The following ADGRB3 variants were observed in gnomAD, a reference collection of about 807,000 sequenced individuals.
ADGRB3 encodes the protein adhesion G protein-coupled receptor B3.
ADGRB3 carries 37 observed loss-of-function variants against 193.4 expected under a neutral mutation model. The ratio of observed to expected loss-of-function variants is 0.19; its 90% CI spans 0.15 to 0.25. ADGRB3 has a LOEUF of 0.25. Among genes scored for constraint, ADGRB3 ranks in the 10% least tolerant of loss-of-function variants. The probability of loss-of-function intolerance (pLI) is 1.00; values close to 1 mark genes in which losing one functional copy is unlikely to be tolerated. For missense variants in ADGRB3, 1,637 were observed against 1,852.9 expected (o/e 0.88, Z 2.14); for synonymous variants, 690 against 644.2 (o/e 1.07, Z -1.08).
intron 11 of ADGRB3, among the ~76,000 whole-genome samples, chr6:69,002,342 T>C (rs1769605584): frequency 6.6e-6 from 1 of 151,802 alleles, no homozygotes. Context: ...CCTCAGCCTT[T>C]TGAATAGCTG....
chr6:69,175,306 G>T (rs1274803406), intron 17 of ADGRB3, among the ~76,000 whole-genome samples: 1 of 152,116 alleles, frequency 6.6e-6, no homozygotes, highest in African/African-American at 2.4e-5. Context: ...ATCTTGAGTC[G>T]ATTTTTGTAT....
intron 17 of ADGRB3, among the ~76,000 whole-genome samples, chr6:69,110,194 C>A (rs1773331729): frequency 1.3e-5 from 2 of 152,044 alleles, no homozygotes; most frequent in Non-Finnish European, 2.9e-5. Flanking sequence ...AATCCACCCA[C>A]CTCAGTGTCC....
intron 17 of ADGRB3, among the ~76,000 whole-genome samples, chr6:69,156,914 C>T (rs564968320): frequency 9.9e-5 from 15 of 152,254 alleles, no homozygotes; most frequent in Admixed American, 4.6e-4. Context: ...CAAGCTGATT[C>T]GTAGCAATAT....
chr6:69,203,833 C>T (rs143636301), intron 17 of ADGRB3, among the ~76,000 whole-genome samples: 21 of 152,254 alleles, frequency 1.4e-4, no homozygotes, highest in Non-Finnish European at 2.1e-4. Flanking sequence ...ACTAAAATTT[C>T]GTCTATGAGT....
intron 3 of ADGRB3, among the ~76,000 whole-genome samples, chr6:68,917,444 T>C (rs1236745208): frequency 6.6e-6 from 1 of 152,200 alleles, no homozygotes; most frequent in Non-Finnish European, 1.5e-5. Context: ...TAATCTTTCT[T>C]CTACATGATA....
chr6:69,105,951 A>C (rs1316335172), intron 17 of ADGRB3, among the ~76,000 whole-genome samples: 2 of 152,144 alleles, frequency 1.3e-5, no homozygotes, highest in Admixed American at 6.6e-5. Flanking sequence ...CCTCGCCAAC[A>C]TGGTGAAAGC....
intron 26 of ADGRB3, among the ~76,000 whole-genome samples, chr6:69,349,723 T>G (rs78035274): frequency 0.011 from 1,635 of 152,066 alleles, 22 homozygotes; most frequent in African/African-American, 0.037. Context: ...GAAGGAAAAA[T>G]TACAAATAAT....
At chr6:68,963,055 C>T (rs532098253) in intron 8 of ADGRB3, among the ~76,000 whole-genome samples, 1 of 152,234 alleles carries the variant, frequency 6.6e-6, no homozygotes, top group East Asian at 1.9e-4. Flanking sequence ...TGGAGTGATT[C>T]CTCATTCTAG....
chr6:69,179,782 T>C lies in ADGRB3; in HGVS notation c.2481-53508T>C, dbSNP rs562952058. 2.4e-4 allele frequency among the ~76,000 whole-genome samples: 36 copies of C among 152,298 alleles called. No homozygotes were observed. In the South Asian group the frequency reaches 7.5e-3, roughly 32 times the overall value. ...TATGTACTTCTGTCAGCAGGTTTTA[T>C]ATTGGACTGTGCAGTTTGACTTACA... On this transcript the variant is annotated intron_variant, in intron 17 of 31. Coordinates refer to ENST00000370598, the MANE Select transcript of ADGRB3 (RefSeq NM_001704.3).
At chr6:69,271,787 A>G (rs946582707) in intron 20 of ADGRB3, among the ~76,000 whole-genome samples, 2 of 152,092 alleles carry the variant, frequency 1.3e-5, no homozygotes, top group African/African-American at 2.4e-5. Flanking sequence ...ATGAAATGTT[A>G]TAGTTAATAT....
chr6:69,121,192 G>T (rs1340083856), intron 17 of ADGRB3, among the ~76,000 whole-genome samples: 1 of 151,980 alleles, frequency 6.6e-6, no homozygotes, highest in African/African-American at 2.4e-5. Flanking sequence ...CTTGAGATTA[G>T]GGAGTGGTGA....
intron 11 of ADGRB3, among the ~76,000 whole-genome samples, chr6:68,998,648 C>T (rs1769465419): frequency 1.3e-5 from 2 of 152,216 alleles, no homozygotes; most frequent in South Asian, 2.1e-4. Context: ...CATATCAAAG[C>T]CTATATATGA....
chr6:69,376,766 C>T (rs1404806381), intron 30 of ADGRB3, among the ~76,000 whole-genome samples: 1 of 152,174 alleles, frequency 6.6e-6, no homozygotes, highest in South Asian at 2.1e-4. Flanking sequence ...GCAGTAAGTG[C>T]ACTCCATTAG....
intron 17 of ADGRB3, among the ~76,000 whole-genome samples, chr6:69,104,700 A>G (rs1485966296): frequency 2.0e-5 from 3 of 152,120 alleles, no homozygotes; most frequent in Admixed American, 6.5e-5. Context: ...TGAAAACACA[A>G]TATGTGTTTC....
At chr6:68,936,715 T>C (rs538304212) in intron 5 of ADGRB3, 35 bp downstream of exon 5, 3 of 1,590,614 alleles carry the variant, frequency 1.9e-6, no homozygotes, top group South Asian at 2.3e-5. Flanking sequence ...GTGGATGTTA[T>C]TGAATTGTGT....
chr6:69,093,360 G>T (rs995914074), intron 17 of ADGRB3, among the ~76,000 whole-genome samples: 6 of 151,828 alleles, frequency 4.0e-5, no homozygotes, highest in Non-Finnish European at 8.8e-5. Flanking sequence ...GGTTCCAGAG[G>T]GGAGGTAGTG....
Position 68,974,811 on chromosome 6 carries a change from A to G in ADGRB3, c.1574A>G (p.Lys525Arg), listed in dbSNP as rs1361619191. Residue 525 changes from lysine to arginine, a missense_variant, in exon 9 of 32, where the codon AAA (lysine) becomes AGA (arginine). Coordinates refer to ENST00000370598, the MANE Select transcript of ADGRB3 (RefSeq NM_001704.3). ...GATTATCTGATGTCGATGGTGTGGAAAAGAACTCCAGCAGGCGACTTGGCA... is the reference window on the plus strand; with the variant it reads ...GATTATCTGATGTCGATGGTGTGGAGAAGAACTCCAGCAGGCGACTTGGCA... Reference protein sequence around the residue: ...PEDYLMSMVWKRTPAGDLAFN... With the variant: ...PEDYLMSMVWRRTPAGDLAFN... The G allele has an allele frequency of 1.2e-6, 2 of 1,614,024 alleles. No individual in the cohort carries two copies. Among genetic ancestry groups the G allele is most frequent in the Admixed American group, 1.7e-5 (1 of 60,006 alleles).
rs188142438 is a variant in ADGRB3 at position 68,909,471 on chromosome 6, A to G, written c.758-21088A>G. On this transcript the variant is annotated intron_variant, in intron 3 of 31. Transcript: ENST00000370598. The stretch of plus-strand genomic sequence containing the variant: ...TCATCTCTACATTGGTGAAGAAATA[A>G]AAAGGTTTATTCCACAGAAATGTAA... 4.3e-3 allele frequency among the ~76,000 whole-genome samples: 652 copies of G among 152,296 alleles called. 10 individuals are homozygous for G. Among genetic ancestry groups the G allele is most frequent in the African/African-American group, 0.015 (618 of 41,564 alleles).
chr6:68,702,050 G>T (rs554769068), intron 3 of ADGRB3, among the ~76,000 whole-genome samples: 1 of 152,114 alleles, frequency 6.6e-6, no homozygotes, highest in South Asian at 2.1e-4. Flanking sequence ...TGGAGATGAG[G>T]TAATCCATAA....
Sources: gnomAD v4.1 joint callset for allele counts (sites outside exome capture counted in the v4.1 genomes callset) on GRCh38, gnomAD v4.1.1 for gene constraint, MANE v1.5 for transcripts, NCBI Gene and HGNC (gene_info 2026-07-23, HGNC 2026-07-21) for gene names.